Variants in ST3GAL3 observed in about 807,000 individuals in gnomAD.
The protein encoded by ST3GAL3 is ST3 beta-galactoside alpha-2,3-sialyltransferase 3, also known as CMP-N-acetylneuraminate-beta-1,4-galactoside alpha-2,3-sialyltransferase.
ST3GAL3 carries 21 observed loss-of-function variants against 50.1 expected under a neutral mutation model. The ratio of observed to expected loss-of-function variants is 0.42; its 90% CI spans 0.30 to 0.60. The LOEUF (loss-of-function observed/expected upper bound fraction) is 0.60, where lower values mean the gene tolerates loss of function less well. Ranked by LOEUF, ST3GAL3 falls within the 20% of genes least tolerant of loss-of-function variation. The pLI is 0.19. For synonymous variants in ST3GAL3, 183 were observed against 190.0 expected (o/e 0.96, Z 0.30); for missense variants, 353 against 489.4 (o/e 0.72, Z 2.63).
At chr1:43,873,080 G>T (rs1030115921) in intron 5 of ST3GAL3, among the ~76,000 whole-genome samples, 7 of 152,196 alleles carry the variant, frequency 4.6e-5, no homozygotes, top group Non-Finnish European at 1.0e-4. Context: ...AGGAATGGAG[G>T]ATTTGGAGCA....
chr1:43,920,718 C>A, intron 10 of ST3GAL3, 64 bp from the exon 11 acceptor site: 1 of 1,613,428 alleles, frequency 6.2e-7, no homozygotes, highest in South Asian at 1.1e-5. Context: ...GCTGAAGTCT[C>A]AGCTGTCCCA....
In ST3GAL3 at chr1:43,920,692, A is replaced by T. The variant is rs2082883541; in HGVS notation, c.892-90A>T. On this transcript the variant is annotated intron_variant, in intron 10 of 11. Coordinates refer to ENST00000347631, the MANE Select transcript of ST3GAL3 (RefSeq NM_006279.5). ...GGCTCAGTCCTTGGGCATGGAGGCT[A>T]GCTCTAGGGAGCTTGGCTGAAGTCT... 5 of 1,610,890 alleles carry T rather than the reference A, an allele frequency of 3.1e-6. No homozygotes were observed. In the South Asian group the frequency reaches 4.4e-5, roughly 14 times the overall value.
intron 1 of ST3GAL3, among the ~76,000 whole-genome samples, chr1:43,713,354 G>A (rs1665707970): frequency 1.3e-5 from 2 of 152,112 alleles, no homozygotes; most frequent in African/African-American, 4.8e-5. Flanking sequence ...GAGGATTGGA[G>A]GGAATAGGTG....
At chr1:43,903,564 C>T (rs952829772) in intron 9 of ST3GAL3, among the ~76,000 whole-genome samples, 48 of 152,184 alleles carry the variant, frequency 3.2e-4, no homozygotes, top group African/African-American at 2.7e-4. Context: ...TGGGGTGGTC[C>T]CAGCCCTGCA....
At chr1:43,857,253 A>G (rs1295732895) in intron 5 of ST3GAL3, among the ~76,000 whole-genome samples, 3 of 152,212 alleles carry the variant, frequency 2.0e-5, no homozygotes, top group Admixed American at 6.5e-5. Flanking sequence ...CAAAAGTGAT[A>G]TGAACTGGTC....
At chr1:43,726,638 A>C (rs1673041277) in intron 1 of ST3GAL3, among the ~76,000 whole-genome samples, 1 of 152,106 alleles carries the variant, frequency 6.6e-6, no homozygotes, top group Non-Finnish European at 1.5e-5. Context: ...TTTCTTGTTC[A>C]GGCTGGAGTG....
intron 3 of ST3GAL3, among the ~76,000 whole-genome samples, chr1:43,806,262 T>A (rs1173598778): frequency 1.3e-5 from 2 of 152,170 alleles, no homozygotes; most frequent in African/African-American, 4.8e-5. Flanking sequence ...GATGGCTTTA[T>A]CTTGAAGGAT....
At chr1:43,856,373 A>G (rs1395328442) in intron 5 of ST3GAL3, among the ~76,000 whole-genome samples, 1 of 152,208 alleles carries the variant, frequency 6.6e-6, no homozygotes, top group Admixed American at 6.5e-5. Flanking sequence ...TGGGTAAGCT[A>G]ACGACTTGCT....
intron 4 of ST3GAL3, among the ~76,000 whole-genome samples, chr1:43,817,150 T>C (rs2061338768): frequency 1.3e-5 from 2 of 152,226 alleles, no homozygotes; most frequent in South Asian, 4.1e-4. Flanking sequence ...TAGATAATTA[T>C]TATATTTTAG....
At chr1:43,869,630 CCAA>C (rs57148324) in intron 5 of ST3GAL3, among the ~76,000 whole-genome samples, 129,578 of 151,786 alleles carry the variant, frequency 0.85, 55,556 homozygotes, top group East Asian at 0.91. Flanking sequence ...CTATTCTTGA[CCAA>C]ATGCTCTTGC....
intron 2 of ST3GAL3, among the ~76,000 whole-genome samples, chr1:43,747,704 C>T (rs1381157599): frequency 6.6e-6 from 1 of 151,658 alleles, no homozygotes. Context: ...CCTCAGCCTC[C>T]CGAGTAGCTG....
At chr1:43,765,288 G>T (rs910076799) in intron 2 of ST3GAL3, among the ~76,000 whole-genome samples, 2 of 152,118 alleles carry the variant, frequency 1.3e-5, no homozygotes, top group African/African-American at 4.8e-5. Context: ...AAATGGACAG[G>T]AACATGGAGA....
intron 1 of ST3GAL3, among the ~76,000 whole-genome samples, chr1:43,718,504 T>C (rs780354451): frequency 2.7e-5 from 4 of 149,842 alleles, no homozygotes; most frequent in Admixed American, 6.7e-5. Context: ...TAAATCTTAA[T>C]ATGCCATCTT....
At chr1:43,881,302 C>T (rs372571661) in intron 5 of ST3GAL3, among the ~76,000 whole-genome samples, 2 of 152,374 alleles carry the variant, frequency 1.3e-5, no homozygotes, top group Non-Finnish European at 2.9e-5. Flanking sequence ...TGAGCCACCA[C>T]GCCCAGCCTC....
At chr1:43,717,479 GTTTTTC>G (rs1005824132) in intron 1 of ST3GAL3, among the ~76,000 whole-genome samples, 1 of 150,942 alleles carries the variant, frequency 6.6e-6, no homozygotes. Flanking sequence ...TTTATATTTT[GTTTTTC>G]TTTTTTCTTT....
rs748175880 is a variant in ST3GAL3 at position 43,894,367 on chromosome 1, T to C, written c.303-16T>C. ...GTTGCGTTTTTGTGATCCTCAGCAG[T>C]CCTGTTATATTCCAGGTTCTCCAAG... On this transcript the variant is annotated splice_polypyrimidine_tract_variant and intron_variant, in intron 5 of 11. Coordinates refer to ENST00000347631, the MANE Select transcript of ST3GAL3 (RefSeq NM_006279.5). 6.2e-7 allele frequency: 1 copy of C among 1,613,406 alleles called. No individual in the cohort carries two copies. Among genetic ancestry groups the C allele is most frequent in the Non-Finnish European group, 8.5e-7 (1 of 1,179,316 alleles).
In ST3GAL3 at chr1:43,843,999, G is replaced by A. The variant is rs1318643411; in HGVS notation, c.302+5688G>A. On this transcript the variant is annotated intron_variant, in intron 5 of 11. Coordinates refer to ENST00000347631, the MANE Select transcript of ST3GAL3 (RefSeq NM_006279.5). ...GTGAATTCCAAGACCATCCCCTCTT[G>A]GGTTTGATCTGTTTGCTAGAGCAGC... is the stretch of plus-strand genomic sequence containing the variant. Among the ~76,000 whole-genome samples, 16 of 152,188 alleles carry A rather than the reference G, an allele frequency of 1.1e-4. 1 individual carries two copies. The highest frequency in any genetic ancestry group is 7.3e-5 in the Non-Finnish European group (5 of 68,032).
chr1:43,882,358 A>T (rs2075286248), intron 5 of ST3GAL3, among the ~76,000 whole-genome samples: 4 of 152,206 alleles, frequency 2.6e-5, no homozygotes, highest in Admixed American at 2.0e-4. Context: ...AAGAGGGGGT[A>T]TCTGAGGCTG....
chr1:43,874,675 C>A (rs2073723403), intron 5 of ST3GAL3, among the ~76,000 whole-genome samples: 2 of 152,120 alleles, frequency 1.3e-5, no homozygotes, highest in Admixed American at 1.3e-4. Flanking sequence ...CAAAAGTTGG[C>A]CTTAGTTACA....
Sources: allele counts gnomAD v4.1 joint callset (sites outside exome capture counted in the v4.1 genomes callset), GRCh38; gene constraint gnomAD v4.1.1; transcripts MANE v1.5; gene names NCBI Gene and HGNC (gene_info 2026-07-23, HGNC 2026-07-21).